Variants in SEC31B observed in about 807,000 individuals in gnomAD.
SEC31B encodes protein transport protein Sec31B.
In SEC31B, 113 loss-of-function variants were observed where a neutral mutation model predicts 135.0. The observed-to-expected ratio is 0.84, with a 90% CI of 0.72 to 0.98. The LOEUF (loss-of-function observed/expected upper bound fraction) is 0.98, where lower values mean the gene tolerates loss of function less well. SEC31B is among the 50% of genes least tolerant of loss of function. SEC31B has a pLI of 0.00. For synonymous variants in SEC31B, 508 were observed against 549.4 expected, an observed-to-expected ratio of 0.92 and a Z score of 1.05; for missense variants, 1,296 against 1,421.1, an observed-to-expected ratio of 0.91 and a Z score of 1.42.
intron 19 of SEC31B, among the ~76,000 whole-genome samples, chr10:100,491,703 T>C (rs1851303704): frequency 6.6e-6 from 1 of 152,204 alleles, no homozygotes; most frequent in Admixed American, 6.5e-5. Flanking sequence ...CGATTCATGA[T>C]CTAGTACACA....
intron 7 of SEC31B, among the ~76,000 whole-genome samples, chr10:100,506,779 G>A (rs1006940125): frequency 6.6e-6 from 1 of 152,172 alleles, no homozygotes; most frequent in African/African-American, 2.4e-5. Flanking sequence ...TTTTAGCCCA[G>A]GAGGTAGTAA....
Position 100,516,183 on chromosome 10 carries a change from G to C in SEC31B, c.116C>G (p.Thr39Arg), listed in dbSNP as rs146072691. The C allele has an allele frequency of 1.6e-4, 266 of 1,613,952 alleles. 1 individual carries two copies. The East Asian group carries it at 4.3e-3, about 26-fold the overall frequency. ...CTCAAATATTTCCAATGTGCCATTT[G>C]TGCTGAAGGAGGAATCTAGCTGTTG... ...SAQQLDSSFSTNGTLEIFEVD... is the reference protein window; with the variant it reads ...SAQQLDSSFSRNGTLEIFEVD... Residue 39 changes from threonine to arginine, a missense_variant, in exon 3 of 26, where the codon ACA becomes AGA. Coordinates refer to ENST00000370345, the MANE Select transcript of SEC31B (RefSeq NM_015490.4).
rs369568994 is a variant in SEC31B, at chr10:100,509,026, G to T, written c.476C>A (p.Thr159Asn). The T allele has an allele frequency of 6.2e-7, 1 of 1,614,038 alleles. No homozygotes were observed. The highest frequency in any genetic ancestry group is 8.5e-7 in the Non-Finnish European group (1 of 1,179,922). Residue 159 changes from threonine (T) to asparagine (N), a missense_variant, in exon 5 of 26, where the codon ACC (threonine) becomes AAC (asparagine). Thr to Asn is a moderately conservative substitution (Grantham distance 65). Transcript: ENST00000370345. The part of the protein sequence containing the change: ...WDLNNLNVPM[T>N]LGSKSQQPPE... ...GCTCACCTGTGACTTGGATCCCAGGGTCATTGGCACATTCAAGTTATTCAG... is the reference window on the plus strand; with the variant it reads ...GCTCACCTGTGACTTGGATCCCAGGTTCATTGGCACATTCAAGTTATTCAG...
intron 14 of SEC31B, 96 bp downstream of exon 14, chr10:100,498,609 G>C: frequency 1.2e-6 from 1 of 837,656 alleles, no homozygotes; most frequent in Non-Finnish European, 1.9e-6. Context: ...AGGAAGGCAC[G>C]AGGCAGGGGA....
rs370704833 is a variant in SEC31B, at chr10:100,516,960, C to T, written c.-8G>A. On this transcript the variant is annotated 5_prime_UTR_variant, in exon 2 of 26. Coordinates refer to ENST00000370345, the MANE Select transcript of SEC31B (RefSeq NM_015490.4). The stretch of plus-strand genomic sequence containing the variant: ...AAGTTCCTTCAGCTTCATGGTCTAT[C>T]CTGTAGGTGGCAGAAAACTGACATG... 1 of 1,613,168 alleles carries T rather than the reference C, an allele frequency of 6.2e-7. No individual in the cohort carries two copies. Among genetic ancestry groups the T allele is most frequent in the East Asian group, 2.2e-5 (1 of 44,862 alleles).
intron 16 of SEC31B, 51 bp downstream of exon 16, chr10:100,497,616 C>G: frequency 1.2e-6 from 2 of 1,613,598 alleles, no homozygotes; most frequent in Non-Finnish European, 1.7e-6. Flanking sequence ...CATCCTTTGA[C>G]TCCATGCTGG....
chr10:100,492,798 T>C (rs1415150062), intron 19 of SEC31B, among the ~76,000 whole-genome samples: 1 of 152,168 alleles, frequency 6.6e-6, no homozygotes, highest in Non-Finnish European at 1.5e-5. Context: ...AATTTGATTT[T>C]AAACTGCTGA....
chr10:100,507,622 G>A, intron 6 of SEC31B, 55 bp from the exon 7 acceptor site: 1 of 1,605,496 alleles, frequency 6.2e-7, no homozygotes, highest in Non-Finnish European at 8.5e-7. Flanking sequence ...TTGCCCAGTT[G>A]AAATGGGACC....
intron 19 of SEC31B, among the ~76,000 whole-genome samples, chr10:100,494,242 C>T (rs1851361785): frequency 6.6e-6 from 1 of 152,174 alleles, no homozygotes. Flanking sequence ...CACACACACA[C>T]CTCTCCAAAC....
chr10:100,495,682 C>T (rs764936079), intron 18 of SEC31B, 136 bp from the exon 19 acceptor site: 37 of 1,012,518 alleles, frequency 3.7e-5, no homozygotes, highest in Non-Finnish European at 5.2e-5. Flanking sequence ...TTGTTCTGTT[C>T]TGTTTTGTTT....
intron 3 of SEC31B, among the ~76,000 whole-genome samples, chr10:100,511,629 T>C (rs1203240990): frequency 1.3e-5 from 2 of 152,180 alleles, no homozygotes; most frequent in Non-Finnish European, 2.9e-5. Context: ...GAAAGAAATA[T>C]CTGCTGTATA....
chr10:100,492,345 TCCTGAGTAGCTG>T (rs915665098), intron 19 of SEC31B, among the ~76,000 whole-genome samples: 2 of 152,186 alleles, frequency 1.3e-5, no homozygotes, highest in East Asian at 1.9e-4. Context: ...CAGCCTTGCC[TCCTGAGTAGCTG>T]GGATTACAGG....
At chr10:100,488,455 T>C (rs1403355444) in intron 24 of SEC31B, among the ~76,000 whole-genome samples, 3 of 67,058 alleles carry the variant, frequency 4.5e-5, no homozygotes, top group Non-Finnish European at 8.0e-5. Context: ...CGAGACTCCA[T>C]CTCAAAAAAA....
rs372269704 is a variant in SEC31B at position 100,505,874 on chromosome 10, T to G, written c.1044+166A>C. On this transcript the variant is annotated intron_variant, in intron 9 of 25. Transcript: ENST00000370345. ...GCCTTCTTCACATTGTGGCAGAAAC[T>G]AACATCCTTTCAGGAAGATGGGCAC... 9.3e-4 allele frequency: 1,393 copies of G among 1,502,426 alleles called. 25 individuals are homozygous for G. The South Asian group carries it at 0.017, about 19-fold the overall frequency. The allele number at this position is 1,502,426 out of a possible 1,614,324, so 93.1% of individuals were successfully genotyped here.
At chr10:100,493,372 C>CA (rs561941798) in intron 19 of SEC31B, among the ~76,000 whole-genome samples, 2,380 of 130,096 alleles carry the variant, frequency 0.018, 40 homozygotes, top group African/African-American at 0.041. Context: ...GACTCCATCT[C>CA]AAAAAAAAAA....
intron 19 of SEC31B, among the ~76,000 whole-genome samples, chr10:100,491,517 T>A (rs906550043): frequency 2.2e-4 from 33 of 152,170 alleles, no homozygotes; most frequent in African/African-American, 8.0e-4. Context: ...GCAAATCAAA[T>A]AATGTATATA....
rs574800879 is a variant in SEC31B at position 100,508,919 on chromosome 10, T to A, written c.495+88A>T. On this transcript the variant is annotated intron_variant, in intron 5 of 25. Transcript: ENST00000370345. The stretch of plus-strand genomic sequence containing the variant: ...TCCAGTGGTAAAGTTTGATATCTCT[T>A]GAGCTCTGATTGGCTCCAGAACTCA... The A allele has an allele frequency of 2.2e-5, 23 of 1,027,420 alleles. No individual in the cohort carries two copies. In the East Asian group the frequency reaches 5.1e-4, roughly 23 times the overall value. The allele number at this position is 1,027,420 out of a possible 1,614,324, so 63.6% of individuals were successfully genotyped here.
Position 100,490,851 on chromosome 10 carries a change from G to GAA in SEC31B, c.2503_2504dup (p.Thr836SerfsTer27). 1 of 1,566,938 alleles carries GAA rather than the reference G, an allele frequency of 6.4e-7. No individual in the cohort carries two copies. The highest frequency in any genetic ancestry group is 8.7e-7 in the Non-Finnish European group (1 of 1,150,650). On this transcript the variant is annotated frameshift_variant, in exon 20 of 26. Coordinates refer to ENST00000370345, the MANE Select transcript of SEC31B (RefSeq NM_015490.4). LOFTEE classifies it high-confidence loss of function. ...GCATCGCTGGTGATGACTGAGGGGT[G>GAA]AAAACCCTTGGCCTTGGAGATGGAG... is the stretch of plus-strand genomic sequence containing the variant.
intron 18 of SEC31B, 106 bp downstream of exon 18, chr10:100,496,150 CTA>C: frequency 8.4e-7 from 1 of 1,190,460 alleles, no homozygotes. Flanking sequence ...TCCATCTTAT[CTA>C]TCCTAGGAGC....
Sources: gnomAD v4.1 joint callset for allele counts (sites outside exome capture counted in the v4.1 genomes callset) on GRCh38, gnomAD v4.1.1 for gene constraint, MANE v1.5 for transcripts, NCBI Gene and HGNC (gene_info 2026-07-23, HGNC 2026-07-21) for gene names.